Variants in SUPT20H observed in about 807,000 individuals in gnomAD.
The protein encoded by SUPT20H is transcription factor SPT20 homolog.
In SUPT20H, 82 loss-of-function variants were observed where a neutral mutation model predicts 122.8. That is an observed-to-expected ratio of 0.67 (90% CI 0.56 to 0.80). The LOEUF (loss-of-function observed/expected upper bound fraction) is 0.80. Ranked by LOEUF, SUPT20H falls within the 30% of genes least tolerant of loss-of-function variation. The pLI is 0.00. For synonymous variants in SUPT20H, 291 were observed against 313.0 expected (o/e 0.93, Z 0.74); for missense variants, 831 against 921.6 (o/e 0.90, Z 1.27).
intron 23 of SUPT20H, chr13:37,013,731 C>A (rs2059974874): frequency 6.6e-6 from 1 of 151,998 alleles, no homozygotes; most frequent in Admixed American, 6.6e-5. Flanking sequence ...TATATAATTG[C>A]AAGCCAAACA....
At chr13:37,026,258 A>G in intron 15 of SUPT20H, 22 bp from the exon 16 acceptor site, 4 of 1,473,356 alleles carry the variant, frequency 2.7e-6, no homozygotes, top group Non-Finnish European at 3.6e-6. Context: ...AAGGAAAAAA[A>G]AGGAGAGAAA....
In SUPT20H at chr13:37,022,419, G is replaced by A. The variant is rs2061567195; in HGVS notation, c.1592-339C>T. On this transcript the variant is annotated intron_variant, in intron 19 of 25. Transcript: ENST00000350612. The surrounding 1 kb of genome is among the most constrained non-coding windows in gnomAD (Gnocchi z 4.5). ...TACTTAGCACTGACAATTTGTTCTA[G>A]TTTTTTTTTTTTTAGCAGTTAACTG... 4 of 1,156,698 alleles carry A rather than the reference G, an allele frequency of 3.5e-6. No homozygotes were observed. The highest frequency in any genetic ancestry group is 3.2e-5 in the East Asian group (1 of 31,024). The allele number at this position is 1,156,698 out of a possible 1,614,324, so 71.7% of individuals were successfully genotyped here. A position where few individuals can be genotyped will look rare whatever the true frequency, so the allele number is the denominator to read the frequency against.
In SUPT20H at chr13:37,010,874, A is replaced by G. The variant is rs533614432; in HGVS notation, c.2099-219T>C. On this transcript the variant is annotated intron_variant, in intron 24 of 25. Coordinates refer to ENST00000350612, the MANE Select transcript of SUPT20H (RefSeq NM_001014286.3). ...CTTTCTGGACACAAAAAGAGAAGGGAGTGCATTATGTATCAAAGCACTGAA... is the reference window on the plus strand; with the variant it reads ...CTTTCTGGACACAAAAAGAGAAGGGGGTGCATTATGTATCAAAGCACTGAA... 3 of 437,412 alleles carry G rather than the reference A, an allele frequency of 6.9e-6. No individual in the cohort carries two copies. The South Asian group carries it at 1.1e-4, about 16-fold the overall frequency. The allele number at this position is 437,412 out of a possible 1,614,324, so 27.1% of individuals were successfully genotyped here.
At chr13:37,055,662 C>A (rs1334333256) in intron 1 of SUPT20H, among the ~76,000 whole-genome samples, 3 of 152,176 alleles carry the variant, frequency 2.0e-5, no homozygotes, top group African/African-American at 7.2e-5. Context: ...ACCATAAAAA[C>A]CCTAGAAGAA....
chr13:37,044,892 A>T (rs2066137140), intron 6 of SUPT20H, among the ~76,000 whole-genome samples: 1 of 152,194 alleles, frequency 6.6e-6, no homozygotes, highest in African/African-American at 2.4e-5. Flanking sequence ...AAATAGCAAT[A>T]GAATGAAAGG....
intron 7 of SUPT20H, 54 bp from the exon 8 acceptor site, chr13:37,040,746 G>A (rs1350827893): frequency 4.3e-6 from 6 of 1,383,014 alleles, no homozygotes; most frequent in Non-Finnish European, 6.2e-6. Context: ...GCCTAAATAA[G>A]TGGGTTTATA....
intron 23 of SUPT20H, 71 bp downstream of exon 23, chr13:37,017,174 T>C: frequency 6.3e-7 from 1 of 1,599,718 alleles, no homozygotes; most frequent in Non-Finnish European, 8.6e-7. Flanking sequence ...GCAAATGAAG[T>C]ATGCTTGGAA....
chr13:37,017,137 A>G, intron 23 of SUPT20H, 108 bp downstream of exon 23: 1 of 1,487,552 alleles, frequency 6.7e-7, no homozygotes, highest in Non-Finnish European at 9.3e-7. Context: ...TAATAAAAAC[A>G]GTACAGGAAA....
chr13:37,057,415 C>T (rs2069345734), intron 1 of SUPT20H, among the ~76,000 whole-genome samples: 2 of 151,424 alleles, frequency 1.3e-5, no homozygotes, highest in Non-Finnish European at 2.9e-5. Context: ...GGTGTCTACA[C>T]AGCTGAACTA....
intron 1 of SUPT20H, among the ~76,000 whole-genome samples, chr13:37,058,797 TA>T (rs1161422472): frequency 6.6e-6 from 1 of 152,072 alleles, no homozygotes; most frequent in East Asian, 1.9e-4. Flanking sequence ...TACATTTCTT[TA>T]AAAAAAGCAA....
rs943524816 is a variant in SUPT20H, at chr13:37,028,421, C to G, written c.994-116G>C. 1.7e-5 allele frequency: 16 copies of G among 926,812 alleles called. No homozygotes were observed. In the African/African-American group the frequency reaches 2.0e-4, roughly 12 times the overall value. 57.4% of individuals were successfully genotyped at this position (926,812 alleles called of 1,614,324 possible). On this transcript the variant is annotated intron_variant, in intron 13 of 25. Coordinates refer to ENST00000350612, the MANE Select transcript of SUPT20H (RefSeq NM_001014286.3). ...ATGTATCTGACGATAGGAAGACACA[C>G]AGCACTTAGGCTACAAAGATATTTA...
intron 21 of SUPT20H, 50 bp downstream of exon 21, chr13:37,021,398 T>G (rs1366528478): frequency 1.3e-6 from 2 of 1,497,308 alleles, no homozygotes; most frequent in Admixed American, 2.1e-5. Context: ...ATTTTTACTT[T>G]AGCATATACT....
intron 7 of SUPT20H, among the ~76,000 whole-genome samples, chr13:37,042,673 G>A (rs1419720992): frequency 2.3e-5 from 1 of 42,912 alleles, no homozygotes; most frequent in Admixed American, 3.0e-4. Flanking sequence ...AAGATCACTG[G>A]TAACTCTGAC....
intron 16 of SUPT20H, chr13:37,025,968 A>G (rs1166329773): frequency 2.7e-6 from 1 of 372,522 alleles, no homozygotes; most frequent in East Asian, 4.1e-5. Flanking sequence ...GGTGTATCAC[A>G]AGCTTACAGA....
At chr13:37,047,997 T>C (rs1233277128) in intron 3 of SUPT20H, 61 bp from the exon 4 acceptor site, 23 of 1,314,214 alleles carry the variant, frequency 1.8e-5, no homozygotes, top group Admixed American at 3.9e-5. Flanking sequence ...AACAACTGTA[T>C]TGAGTATATC....
intron 13 of SUPT20H, among the ~76,000 whole-genome samples, chr13:37,028,674 A>G (rs1041266185): frequency 8.5e-5 from 13 of 152,068 alleles, no homozygotes; most frequent in Admixed American, 5.2e-4. Flanking sequence ...AAGCTCCACC[A>G]TATTTTCATG....
chr13:37,050,356 A>AG (rs2067403985), intron 2 of SUPT20H, among the ~76,000 whole-genome samples: 1 of 150,718 alleles, frequency 6.6e-6, no homozygotes, highest in African/African-American at 2.4e-5. Flanking sequence ...CCAAAAAAAA[A>AG]AAAAAAAAAA....
chr13:37,047,703 A>G (rs1248572700), intron 4 of SUPT20H, 102 bp from the exon 5 acceptor site: 1 of 1,240,222 alleles, frequency 8.1e-7, no homozygotes, highest in Non-Finnish European at 1.1e-6. Context: ...TTTTTGCCTC[A>G]ATTTCCCAAA....
intron 15 of SUPT20H, 141 bp from the exon 16 acceptor site, chr13:37,026,377 A>C: frequency 1.9e-6 from 1 of 520,290 alleles, no homozygotes; most frequent in Non-Finnish European, 3.1e-6. Context: ...TATGAAAAAA[A>C]TTTTTTTAAT....
Sources: gnomAD v4.1 joint callset for allele counts (sites outside exome capture counted in the v4.1 genomes callset) on GRCh38, gnomAD v4.1.1 for gene constraint, Gnocchi (gnomAD v3.1) non-coding constraint, MANE v1.5 for transcripts, NCBI Gene and HGNC (gene_info 2026-07-23, HGNC 2026-07-21) for gene names.